KLHL3: variants seen among roughly 807,000 people sequenced by gnomAD.
The protein encoded by KLHL3 is kelch like family member 3.
KLHL3 carries 19 observed loss-of-function variants against 70.5 expected under a neutral mutation model. The observed-to-expected ratio is 0.27, with a 90% CI of 0.19 to 0.40. The LOEUF is 0.40. KLHL3 is among the 10% of genes least tolerant of loss of function. The pLI is 1.00. For synonymous variants in KLHL3, 258 were observed against 290.3 expected, an observed-to-expected ratio of 0.89 and a Z score of 1.13; for missense variants, 512 against 771.1, an observed-to-expected ratio of 0.66 and a Z score of 3.98.
intron 1 of KLHL3, among the ~76,000 whole-genome samples, chr5:137,725,953 G>A (rs1157226335): frequency 1.3e-5 from 2 of 152,190 alleles, no homozygotes; most frequent in Admixed American, 6.5e-5. Context: ...CATAAGGATA[G>A]ACATAGTTGG....
intron 6 of KLHL3, among the ~76,000 whole-genome samples, chr5:137,676,013 A>G (rs967116288): frequency 1.3e-5 from 2 of 152,272 alleles, no homozygotes; most frequent in Admixed American, 1.3e-4. Flanking sequence ...GCTTGGTAAG[A>G]AGGAAGGGCA....
intron 13 of KLHL3, among the ~76,000 whole-genome samples, chr5:137,627,476 CA>C (rs201299023): frequency 0.065 from 6,286 of 97,420 alleles, 1,218 homozygotes; most frequent in Non-Finnish European, 0.076. Flanking sequence ...TAAATATCAC[CA>C]CCCCCCCCCC....
intron 8 of KLHL3, among the ~76,000 whole-genome samples, chr5:137,647,003 G>A (rs1751064676): frequency 6.6e-6 from 1 of 152,170 alleles, no homozygotes; most frequent in South Asian, 2.1e-4. Flanking sequence ...CTGTGTTGAA[G>A]GCTGCAGAAG....
intron 5 of KLHL3, among the ~76,000 whole-genome samples, chr5:137,683,825 C>T (rs552552396): frequency 3.3e-5 from 5 of 152,028 alleles, no homozygotes; most frequent in Non-Finnish European, 5.9e-5. Flanking sequence ...CACACACATA[C>T]ACACAGCCAA....
chr5:137,654,980 T>C (rs1251005581), intron 8 of KLHL3, among the ~76,000 whole-genome samples: 1 of 152,018 alleles, frequency 6.6e-6, no homozygotes, highest in African/African-American at 2.4e-5. Flanking sequence ...TTTTTATGGG[T>C]ATATGAGGTA....
At chr5:137,676,756 A>G (rs1213136583) in intron 6 of KLHL3, among the ~76,000 whole-genome samples, 1 of 152,220 alleles carries the variant, frequency 6.6e-6, no homozygotes, top group African/African-American at 2.4e-5. Flanking sequence ...CACATAACTA[A>G]TTTGTAAATA....
chr5:137,715,772 A>G (rs1381334024), intron 2 of KLHL3, among the ~76,000 whole-genome samples: 1 of 152,198 alleles, frequency 6.6e-6, no homozygotes, highest in Non-Finnish European at 1.5e-5. Flanking sequence ...CAGCAATTCT[A>G]CTTCTCTTCT....
Position 137,696,604 on chromosome 5 carries a change from C to T in KLHL3, c.363+1683G>A, listed in dbSNP as rs567070885. On this transcript the variant is annotated intron_variant, in intron 4 of 14. Coordinates refer to ENST00000309755, the MANE Select transcript of KLHL3 (RefSeq NM_017415.3). Reference sequence around the variant, plus strand: ...TTTATTATTGTAAATAATTATGAGCCAAAGTCAAGGTTCTGATCATTCATT... The same window carrying T: ...TTTATTATTGTAAATAATTATGAGCTAAAGTCAAGGTTCTGATCATTCATT... Among the ~76,000 whole-genome samples, 8 of 152,250 alleles carry T rather than the reference C, an allele frequency of 5.3e-5. No individual in the cohort carries two copies. In the East Asian group the frequency reaches 1.5e-3, roughly 29 times the overall value.
intron 1 of KLHL3, among the ~76,000 whole-genome samples, chr5:137,726,576 C>G (rs1243766764): frequency 6.6e-6 from 1 of 152,174 alleles, no homozygotes; most frequent in Non-Finnish European, 1.5e-5. Context: ...TATTTCTGGC[C>G]TGTAACTCAA....
chr5:137,689,781 C>T (rs533320814), intron 5 of KLHL3, among the ~76,000 whole-genome samples: 5 of 152,188 alleles, frequency 3.3e-5, no homozygotes, highest in Non-Finnish European at 7.3e-5. Flanking sequence ...ACAAACATAA[C>T]AAACCTGCAT....
chr5:137,673,519 TA>T (rs1333356661), intron 6 of KLHL3, among the ~76,000 whole-genome samples: 1 of 152,020 alleles, frequency 6.6e-6, no homozygotes, highest in Non-Finnish European at 1.5e-5. Flanking sequence ...AATTCTAAAA[TA>T]AAAACCACAT....
intron 1 of KLHL3, among the ~76,000 whole-genome samples, chr5:137,728,738 A>G (rs1408417019): frequency 6.6e-6 from 1 of 152,158 alleles, no homozygotes; most frequent in Non-Finnish European, 1.5e-5. Context: ...TTGTGCAGCA[A>G]TGTTTGGGGG....
rs542054348 is a variant in KLHL3, at chr5:137,734,385, ACCAGCAGCACAGTCAGTCCCAGGCTCTT to A, written c.14+1220_14+1247del. 2.2e-3 allele frequency among the ~76,000 whole-genome samples: 336 copies of A among 152,320 alleles called. 1 individual carries two copies. Among genetic ancestry groups the A allele is most frequent in the Admixed American group, 4.0e-3 (61 of 15,300 alleles). ...CAAAGAGCACCCAGAAAGAGAATGC[ACCAGCAGCACAGTCAGTCCCAGGCTCTT>A]CCTGTGGGAGTCATCAAGAAACACA... is the stretch of plus-strand genomic sequence containing the variant. On this transcript the variant is annotated intron_variant, in intron 1 of 14. Coordinates refer to ENST00000309755, the MANE Select transcript of KLHL3 (RefSeq NM_017415.3).
At chr5:137,700,961 T>G (rs1752554578) in intron 3 of KLHL3, among the ~76,000 whole-genome samples, 1 of 152,202 alleles carries the variant, frequency 6.6e-6, no homozygotes, top group African/African-American at 2.4e-5. Context: ...ACCCACATTA[T>G]TTCATTTAAC....
chr5:137,715,455 A>G (rs988715845), intron 2 of KLHL3, among the ~76,000 whole-genome samples: 3 of 152,156 alleles, frequency 2.0e-5, no homozygotes, highest in South Asian at 4.1e-4. Context: ...CACTCAGATC[A>G]ATAAAGTATC....
intron 12 of KLHL3, 67 bp from the exon 13 acceptor site, chr5:137,628,504 C>A: frequency 8.2e-6 from 13 of 1,582,896 alleles, no homozygotes; most frequent in Non-Finnish European, 1.1e-5. Context: ...GGAGGCCTGG[C>A]ATCCAGTCCT....
At chr5:137,627,770 G>A (rs1750514338) in intron 13 of KLHL3, among the ~76,000 whole-genome samples, 1 of 152,162 alleles carries the variant, frequency 6.6e-6, no homozygotes. Context: ...AGGCATAGGA[G>A]ACAAGAAGGA....
chr5:137,625,339 C>G (rs947773827), intron 14 of KLHL3, among the ~76,000 whole-genome samples: 3 of 152,220 alleles, frequency 2.0e-5, no homozygotes, highest in Admixed American at 2.0e-4. Flanking sequence ...TATGCATCAT[C>G]TTGTCTTCCC....
At chr5:137,638,104 C>A (rs1051597156) in intron 10 of KLHL3, among the ~76,000 whole-genome samples, 1 of 152,198 alleles carries the variant, frequency 6.6e-6, no homozygotes, top group Non-Finnish European at 1.5e-5. Flanking sequence ...AGAGTATAAT[C>A]AGGTTCTCTA....
Sources: allele counts gnomAD v4.1 joint callset (sites outside exome capture counted in the v4.1 genomes callset), GRCh38; gene constraint gnomAD v4.1.1; transcripts MANE v1.5; gene names NCBI Gene and HGNC (gene_info 2026-07-23, HGNC 2026-07-21).